The following SETD2 variants were observed in gnomAD, a reference collection of about 807,000 sequenced individuals.
SETD2 encodes the protein histone-lysine N-methyltransferase SETD2.
SETD2 carries 31 observed loss-of-function variants against 242.1 expected under a neutral mutation model. The ratio of observed to expected loss-of-function variants is 0.13; its 90% CI spans 0.10 to 0.17. The LOEUF (loss-of-function observed/expected upper bound fraction) is 0.17, where lower values mean the gene tolerates loss of function less well. Among genes scored for constraint, SETD2 ranks in the 10% least tolerant of loss-of-function variants. The pLI is 1.00. For synonymous variants in SETD2, 1,006 were observed against 1,066.5 expected, an observed-to-expected ratio of 0.94 and a Z score of 1.11; for missense variants, 2,481 against 3,046.3, an observed-to-expected ratio of 0.81 and a Z score of 4.37.
chr3:47,086,340 T>C, intron 10 of SETD2, 26 bp from the exon 11 acceptor site: 1 of 1,607,410 alleles, frequency 6.2e-7, no homozygotes, highest in Non-Finnish European at 8.5e-7. Context: ...GGAGACACGA[T>C]GCAGAGCATT....
At chr3:47,158,558 T>C (rs747855494) in intron 1 of SETD2, among the ~76,000 whole-genome samples, 4 of 152,218 alleles carry the variant, frequency 2.6e-5, no homozygotes, top group African/African-American at 4.8e-5. Context: ...TCCTTATGAT[T>C]TTCTTAATAA....
rs747985166 is a variant in SETD2, at chr3:47,122,130, A to G, written c.2506T>C (p.Cys836Arg). ...NVHLESKPVI[C>R]DSRNLTDHSK... Reference sequence around the variant, plus strand: ...TGATCTGTCAAATTTCTACTATCACATATAACTGGTTTTGATTCCAAATGC... The same window carrying G: ...TGATCTGTCAAATTTCTACTATCACGTATAACTGGTTTTGATTCCAAATGC... The change falls in exon 3 of 21, where the codon TGT (cysteine) becomes CGT (arginine). Residue 836 changes from cysteine (C) to arginine (R), a missense_variant. By Grantham distance (180) the Cys-to-Arg change is radical (BLOSUM62 -3). Transcript: ENST00000409792. 1.9e-6 allele frequency: 3 copies of G among 1,613,970 alleles called. No homozygotes were observed. The South Asian group carries it at 3.3e-5, about 18-fold the overall frequency.
At chr3:47,163,075 T>C (rs1177748445) in intron 1 of SETD2, among the ~76,000 whole-genome samples, 1 of 152,140 alleles carries the variant, frequency 6.6e-6, no homozygotes, top group Admixed American at 6.5e-5. Context: ...CCAAGAAAAT[T>C]GTGTCCGAAA....
intron 12 of SETD2, among the ~76,000 whole-genome samples, chr3:47,082,185 A>G (rs191457401): frequency 6.6e-6 from 1 of 152,332 alleles, no homozygotes; most frequent in Admixed American, 6.5e-5. Context: ...AGAAACAAGA[A>G]TATTTACTTT....
chr3:47,059,089 G>A (rs1313425960), intron 14 of SETD2, among the ~76,000 whole-genome samples: 1 of 147,272 alleles, frequency 6.8e-6, no homozygotes, highest in South Asian at 2.2e-4. Context: ...GATTACAGGT[G>A]TGAGCCACCA....
intron 4 of SETD2, 140 bp downstream of exon 4, chr3:47,116,483 C>G (rs1467415606): frequency 1.4e-6 from 1 of 707,094 alleles, no homozygotes; most frequent in Non-Finnish European, 2.3e-6. Flanking sequence ...TACTATACAT[C>G]AAAGTGTCTA....
At chr3:47,047,379 T>C (rs985821653) in intron 15 of SETD2, among the ~76,000 whole-genome samples, 1 of 151,938 alleles carries the variant, frequency 6.6e-6, no homozygotes, top group African/African-American at 2.4e-5. Flanking sequence ...GAAAATCTGC[T>C]TAAATAAGAA....
chr3:47,049,946 TTATA>T (rs2039748235), intron 15 of SETD2, among the ~76,000 whole-genome samples: 1 of 146,738 alleles, frequency 6.8e-6, no homozygotes, highest in Non-Finnish European at 1.5e-5. Context: ...TTCTATAAGT[TTATA>T]TATTTGTACA....
In SETD2 at chr3:47,050,722, TC is replaced by T. The variant is rs1218774739; in HGVS notation, c.6964-4102del. On this transcript the variant is annotated intron_variant, in intron 15 of 20. Coordinates refer to ENST00000409792, the MANE Select transcript of SETD2 (RefSeq NM_014159.7). ...ACTCAACCTGTATACATTTCCTCTCTCTTTTTTTTTTTTTTTTTTTTTTTTT... is the reference window on the plus strand; with the variant it reads ...ACTCAACCTGTATACATTTCCTCTCTTTTTTTTTTTTTTTTTTTTTTTTTT... Among the ~76,000 whole-genome samples, 7 of 122,752 alleles carry T rather than the reference TC, an allele frequency of 5.7e-5. No individual in the cohort carries two copies. The East Asian group carries it at 1.5e-3, about 25-fold the overall frequency. The allele number at this position is 122,752 out of a possible 152,430, so 80.5% of individuals were successfully genotyped here.
intron 5 of SETD2, among the ~76,000 whole-genome samples, chr3:47,106,493 TAAAAAAAAAAAAAA>T (rs766455577): frequency 1.1e-3 from 62 of 57,264 alleles, no homozygotes; most frequent in East Asian, 7.8e-3. Context: ...ATTTTTGCTC[TAAAAAAAAAAAAAA>T]AAAAAAAAAA....
chr3:47,037,115 ATT>A (rs974686476), intron 18 of SETD2, among the ~76,000 whole-genome samples: 1 of 57,654 alleles, frequency 1.7e-5, no homozygotes, highest in Non-Finnish European at 3.4e-5. Flanking sequence ...TAATGGGATT[ATT>A]TTTTATATTT....
chr3:47,042,502 T>C, intron 17 of SETD2, 59 bp downstream of exon 17: 2 of 1,578,322 alleles, frequency 1.3e-6, no homozygotes, highest in Non-Finnish European at 1.7e-6. Context: ...CCCCTTATAG[T>C]GGCAACTTCT....
chr3:47,095,141 T>C (rs1323188589), intron 9 of SETD2, among the ~76,000 whole-genome samples: 1 of 152,220 alleles, frequency 6.6e-6, no homozygotes, highest in African/African-American at 2.4e-5. Flanking sequence ...AGTTTTTCTT[T>C]TTGTTATTTT....
intron 15 of SETD2, among the ~76,000 whole-genome samples, chr3:47,054,970 C>G (rs1405751550): frequency 6.6e-6 from 1 of 152,154 alleles, no homozygotes; most frequent in Non-Finnish European, 1.5e-5. Context: ...TTCCCCTACT[C>G]CAAGATCCCA....
At chr3:47,101,379 T>C in intron 8 of SETD2, 79 bp downstream of exon 8, 1 of 762,542 alleles carries the variant, frequency 1.3e-6, no homozygotes, top group Non-Finnish European at 2.2e-6. Context: ...AAGTAATTTA[T>C]ATTAAAGTTT....
intron 18 of SETD2, chr3:47,028,753 G>A (rs1164268412): frequency 6.6e-6 from 1 of 152,262 alleles, no homozygotes; most frequent in Non-Finnish European, 1.5e-5. Context: ...TAAAACTACT[G>A]GGCCAAAGGG....
intron 17 of SETD2, among the ~76,000 whole-genome samples, chr3:47,040,837 C>A (rs1264777523): frequency 6.6e-6 from 1 of 152,020 alleles, no homozygotes; most frequent in East Asian, 1.9e-4. Context: ...CCTCCCAAAG[C>A]ATTAGGATTA....
At position 47,155,642 on chromosome 3, in the gene SETD2, C is replaced by T. The variant is rs1031015273; in HGVS notation, c.71+8212G>A. Among the ~76,000 whole-genome samples the T allele has an allele frequency of 1.6e-4, 25 of 152,138 alleles. 1 individual carries two copies. The highest frequency in any genetic ancestry group is 2.9e-4 in the Non-Finnish European group (20 of 67,964). ...GGCAGCATGGCAAACCCCATCTCTT[C>T]AAAAAATACAAAAATTAGCCGGGTG... is the stretch of plus-strand genomic sequence containing the variant. On this transcript the variant is annotated intron_variant, in intron 1 of 20. Transcript: ENST00000409792.
chr3:47,044,374 A>AAAAAAAAAG (rs2039424958), intron 16 of SETD2, among the ~76,000 whole-genome samples: 1 of 119,512 alleles, frequency 8.4e-6, no homozygotes, highest in African/African-American at 3.3e-5. Flanking sequence ...AAAAAAAAAA[A>AAAAAAAAAG]AAAAAAAAAA....
Sources: allele counts gnomAD v4.1 joint callset (sites outside exome capture counted in the v4.1 genomes callset), GRCh38; gene constraint gnomAD v4.1.1; transcripts MANE v1.5; gene names NCBI Gene and HGNC (gene_info 2026-07-23, HGNC 2026-07-21).